Variants in SLC44A5 observed in about 807,000 individuals in gnomAD.
SLC44A5 encodes choline transporter-like protein 5.
A neutral mutation model predicts 101.8 loss-of-function variants in SLC44A5; 57 were observed. The ratio of observed to expected loss-of-function variants is 0.56; its 90% CI spans 0.45 to 0.70. The LOEUF (loss-of-function observed/expected upper bound fraction) is 0.70, where lower values mean the gene tolerates loss of function less well. Ranked by LOEUF, SLC44A5 falls within the 30% of genes least tolerant of loss-of-function variation. The pLI, the probability that SLC44A5 is intolerant of heterozygous loss-of-function variation, is 0.00. For missense variants in SLC44A5, 737 were observed against 853.1 expected, an observed-to-expected ratio of 0.86 and a Z score of 1.70; for synonymous variants, 281 against 290.9, an observed-to-expected ratio of 0.97 and a Z score of 0.35.
intron 1 of SLC44A5, among the ~76,000 whole-genome samples, chr1:75,547,660 G>A (rs770406329): frequency 1.3e-5 from 2 of 152,138 alleles, no homozygotes; most frequent in Non-Finnish European, 2.9e-5. Context: ...ATGTTTTTGA[G>A]AAAGCAAGCC....
the SLC44A5 span, among the ~76,000 whole-genome samples, chr1:75,662,232 A>T: frequency 6.6e-6 from 1 of 152,114 alleles, no homozygotes; most frequent in Non-Finnish European, 1.5e-5. Flanking sequence ...CATTATGTTA[A>T]GTGAAATAAG....
At chr1:75,238,385 C>CATATATATATATATATATATAT (rs71081318) in intron 10 of SLC44A5, 128 bp downstream of exon 10, 31 of 215,554 alleles carry the variant, frequency 1.4e-4, no homozygotes, top group South Asian at 3.5e-4. Context: ...ACGTATATTT[C>CATATATATATATATATATATAT]ATATATATAT....
chr1:75,305,390 G>A (rs1654823757), intron 4 of SLC44A5, among the ~76,000 whole-genome samples: 1 of 152,056 alleles, frequency 6.6e-6, no homozygotes, highest in Non-Finnish European at 1.5e-5. Flanking sequence ...ATCCAATTCG[G>A]TCTGCACATC....
intron 4 of SLC44A5, among the ~76,000 whole-genome samples, chr1:75,314,259 C>A (rs1655527367): frequency 6.6e-6 from 1 of 152,148 alleles, no homozygotes; most frequent in Admixed American, 6.6e-5. Context: ...CTTTACTAGA[C>A]TTAGAGAATT....
At chr1:75,479,330 C>A (rs917483479) in intron 2 of SLC44A5, among the ~76,000 whole-genome samples, 1 of 152,102 alleles carries the variant, frequency 6.6e-6, no homozygotes, top group Non-Finnish European at 1.5e-5. Context: ...CCTAACATCA[C>A]AATTAAAAGA....
chr1:75,382,465 GT>G (rs1660978770), intron 3 of SLC44A5, among the ~76,000 whole-genome samples: 1 of 77,882 alleles, frequency 1.3e-5, no homozygotes, highest in Non-Finnish European at 2.2e-5. Flanking sequence ...GACGATGGCG[GT>G]TTTGTCGAAA....
chr1:75,624,216 T>C, the SLC44A5 span, among the ~76,000 whole-genome samples: 1 of 152,130 alleles, frequency 6.6e-6, no homozygotes, highest in Non-Finnish European at 1.5e-5. Flanking sequence ...AAATAAAATG[T>C]GTAAGTCCAT....
the SLC44A5 span, among the ~76,000 whole-genome samples, chr1:75,668,292 A>G: frequency 2.1e-5 from 3 of 144,870 alleles, no homozygotes; most frequent in South Asian, 2.1e-4. Context: ...TTACTTAAAA[A>G]GAATGTCCTG....
chr1:75,421,551 A>T (rs1186463919), intron 2 of SLC44A5, among the ~76,000 whole-genome samples: 1 of 152,162 alleles, frequency 6.6e-6, no homozygotes, highest in Non-Finnish European at 1.5e-5. Context: ...ATTTTGCTGA[A>T]TGCATAGAGA....
chr1:75,661,625 TAA>T, the SLC44A5 span, among the ~76,000 whole-genome samples: 297 of 151,944 alleles, frequency 2.0e-3, 1 homozygote, highest in African/African-American at 6.7e-3. Context: ...AAGAAATTAA[TAA>T]AAGACTATAT....
chr1:75,424,454 T>G (rs541165680), intron 2 of SLC44A5, among the ~76,000 whole-genome samples: 1 of 152,282 alleles, frequency 6.6e-6, no homozygotes, highest in East Asian at 1.9e-4. Flanking sequence ...TACAGGCACG[T>G]GCCACTGCGC....
chr1:75,523,568 C>T (rs770377876), intron 2 of SLC44A5, among the ~76,000 whole-genome samples: 4 of 152,124 alleles, frequency 2.6e-5, no homozygotes, highest in Non-Finnish European at 5.9e-5. Context: ...TTGATCCACC[C>T]GCCTCGGCCT....
chr1:75,519,419 A>T (rs541665308), intron 2 of SLC44A5, among the ~76,000 whole-genome samples: 1 of 152,146 alleles, frequency 6.6e-6, no homozygotes, highest in African/African-American at 2.4e-5. Context: ...TTAGCCGGGC[A>T]TGGCGGCACA....
chr1:75,660,379 C>T, the SLC44A5 span, among the ~76,000 whole-genome samples: 1 of 152,036 alleles, frequency 6.6e-6, no homozygotes, highest in Non-Finnish European at 1.5e-5. Context: ...TAGCATAATA[C>T]TGACCGGGAA....
chr1:75,475,047 C>G (rs183702745), intron 2 of SLC44A5, among the ~76,000 whole-genome samples: 1 of 152,204 alleles, frequency 6.6e-6, no homozygotes, highest in East Asian at 1.9e-4. Flanking sequence ...CACACATCAG[C>G]AGGAAGTGAA....
chr1:75,466,693 C>T (rs1340459421), intron 2 of SLC44A5, among the ~76,000 whole-genome samples: 1 of 142,284 alleles, frequency 7.0e-6, no homozygotes, highest in African/African-American at 2.6e-5. Context: ...GAACATACCT[C>T]AATAGAATAA....
chr1:75,509,574 A>G (rs1669453937), intron 2 of SLC44A5, among the ~76,000 whole-genome samples: 1 of 152,198 alleles, frequency 6.6e-6, no homozygotes, highest in Admixed American at 6.5e-5. Flanking sequence ...ATAGGAGAAA[A>G]CTATTTGTAA....
At chr1:75,396,497 C>T (rs1474821880) in intron 3 of SLC44A5, 86 bp downstream of exon 3, 2 of 1,114,388 alleles carry the variant, frequency 1.8e-6, no homozygotes, top group Non-Finnish European at 2.6e-6. Context: ...TTTCGCTATT[C>T]CTAGATTTTA....
chr1:75,234,171 CT>C (rs1359694212), intron 11 of SLC44A5, 73 bp from the exon 12 acceptor site: 22 of 998,492 alleles, frequency 2.2e-5, no homozygotes, highest in Middle Eastern at 2.0e-4. Context: ...CAAGACAAAA[CT>C]TTTTTTCTAT....
Sources: allele counts gnomAD v4.1 joint callset (sites outside exome capture counted in the v4.1 genomes callset), GRCh38; gene constraint gnomAD v4.1.1; transcripts MANE v1.5; gene names NCBI Gene and HGNC (gene_info 2026-07-23, HGNC 2026-07-21).